The following USP13 variants were observed in gnomAD, a reference collection of about 807,000 sequenced individuals.
The protein encoded by USP13 is ubiquitin specific peptidase 13.
A neutral mutation model predicts 107.8 loss-of-function variants in USP13; 68 were observed. That is an observed-to-expected ratio of 0.63 (90% CI 0.52 to 0.77). USP13 has a LOEUF of 0.77. Among genes scored for constraint, USP13 ranks in the 30% least tolerant of loss-of-function variants. The pLI, the probability that USP13 is intolerant of heterozygous loss-of-function variation, is 0.00. For synonymous variants in USP13, 377 were observed against 389.5 expected (o/e 0.97, Z 0.38); for missense variants, 945 against 1,093.3 (o/e 0.86, Z 1.91).
chr3:179,753,830 T>A (rs962449504), intron 14 of USP13, among the ~76,000 whole-genome samples: 2 of 152,204 alleles, frequency 1.3e-5, no homozygotes, highest in Non-Finnish European at 2.9e-5. Flanking sequence ...TTTTCATTAT[T>A]ATCATCTGAA....
rs1720149405 is a variant in USP13 at position 179,653,460 on chromosome 3, A to AG, written c.168+68dup. 9 of 1,518,294 alleles carry AG rather than the reference A, an allele frequency of 5.9e-6. No individual in the cohort carries two copies. The South Asian group carries it at 1.1e-4, about 19-fold the overall frequency. 94.1% of individuals were successfully genotyped at this position (1,518,294 alleles called of 1,614,324 possible). A position where few individuals can be genotyped will look rare whatever the true frequency, so the allele number is the denominator to read the frequency against. ...CTGCGGCACGTGAAGCCGGGGGAGA[A>AG]GATGCGCAGTGGCGGCCGGGACCTC... On this transcript the variant is annotated intron_variant, in intron 1 of 20. Coordinates refer to ENST00000263966, the MANE Select transcript of USP13 (RefSeq NM_003940.3). This position sits in a 1 kb window ranked among gnomAD's most constrained non-coding sequence, Gnocchi z 4.0.
chr3:179,720,862 G>A (rs1713287150), intron 7 of USP13, among the ~76,000 whole-genome samples: 2 of 150,334 alleles, frequency 1.3e-5, no homozygotes, highest in South Asian at 4.2e-4. Flanking sequence ...AGGCTGGAGT[G>A]CAGTGGCGCG....
At chr3:179,749,093 G>T (rs1576975049) in intron 13 of USP13, among the ~76,000 whole-genome samples, 1 of 152,004 alleles carries the variant, frequency 6.6e-6, no homozygotes, top group South Asian at 2.1e-4. Context: ...GAAGATTATG[G>T]TTTTTTTTAG....
chr3:179,718,903 C>G (rs1257367792), intron 6 of USP13, among the ~76,000 whole-genome samples: 1 of 152,008 alleles, frequency 6.6e-6, no homozygotes, highest in East Asian at 1.9e-4. Flanking sequence ...ACTACAGGCG[C>G]CCGCCACCAC....
At position 179,760,263 on chromosome 3, in the gene USP13, T is replaced by C. The variant is rs115288939; in HGVS notation, c.1949-849T>C. ...CTCTGTATCTGAGCCCAAGTTACTTTGTAAAGCCGTCTCTTAATGTTTTTT... is the reference window on the plus strand; with the variant it reads ...CTCTGTATCTGAGCCCAAGTTACTTCGTAAAGCCGTCTCTTAATGTTTTTT... On this transcript the variant is annotated intron_variant, in intron 16 of 20. Transcript: ENST00000263966. 6.2e-3 allele frequency among the ~76,000 whole-genome samples: 947 copies of C among 151,768 alleles called. 14 individuals carry two copies. The highest frequency in any genetic ancestry group is 0.022 in the African/African-American group (904 of 41,368).
At chr3:179,679,344 T>C (rs989433145) in intron 1 of USP13, among the ~76,000 whole-genome samples, 2 of 152,206 alleles carry the variant, frequency 1.3e-5, no homozygotes, top group Non-Finnish European at 2.9e-5. Context: ...AATATATTTG[T>C]AATAAACATC....
At chr3:179,667,049 C>T (rs1334828647) in intron 1 of USP13, among the ~76,000 whole-genome samples, 3 of 152,208 alleles carry the variant, frequency 2.0e-5, no homozygotes, top group Non-Finnish European at 4.4e-5. Context: ...TATTGCTGTC[C>T]TCTCTGGAAC....
intron 17 of USP13, among the ~76,000 whole-genome samples, chr3:179,762,166 A>C (rs1005098081): frequency 3.3e-5 from 5 of 152,368 alleles, no homozygotes; most frequent in South Asian, 2.1e-4. Context: ...GACATTTCAT[A>C]TAAATGGAGT....
chr3:179,713,959 C>T (rs1019975666), intron 6 of USP13, among the ~76,000 whole-genome samples: 4 of 152,136 alleles, frequency 2.6e-5, no homozygotes, highest in African/African-American at 4.8e-5. Context: ...ATAGCAAGAA[C>T]GGGCCCCACA....
At chr3:179,743,282 A>G (rs930218442) in intron 12 of USP13, among the ~76,000 whole-genome samples, 1 of 152,134 alleles carries the variant, frequency 6.6e-6, no homozygotes, top group Admixed American at 6.5e-5. Flanking sequence ...GAGAACTTAG[A>G]GGACAGGTCA....
At chr3:179,690,749 CT>C (rs1488020358) in intron 3 of USP13, among the ~76,000 whole-genome samples, 2 of 152,024 alleles carry the variant, frequency 1.3e-5, no homozygotes, top group Non-Finnish European at 2.9e-5. Context: ...ATTTTTTGTA[CT>C]TTTTGTAGAG....
chr3:179,654,615 A>G (rs1374126801), intron 1 of USP13, among the ~76,000 whole-genome samples: 1 of 152,164 alleles, frequency 6.6e-6, no homozygotes, highest in Admixed American at 6.5e-5. Flanking sequence ...TAGATCTCAT[A>G]TGTCACCCGG....
At chr3:179,694,755 C>T (rs867741833) in intron 3 of USP13, among the ~76,000 whole-genome samples, 18 of 137,858 alleles carry the variant, frequency 1.3e-4, no homozygotes, top group African/African-American at 3.3e-4. Context: ...GAGCTGAGAT[C>T]GCACCATTGC....
intron 8 of USP13, among the ~76,000 whole-genome samples, chr3:179,726,897 C>T (rs1713539104): frequency 6.6e-6 from 1 of 151,852 alleles, no homozygotes; most frequent in Non-Finnish European, 1.5e-5. Flanking sequence ...CCAGGCTGGT[C>T]TCAACTCTTG....
At chr3:179,723,462 A>G (rs1713398059) in intron 8 of USP13, among the ~76,000 whole-genome samples, 1 of 152,196 alleles carries the variant, frequency 6.6e-6, no homozygotes, top group Admixed American at 6.5e-5. Flanking sequence ...TAACAACTGC[A>G]TGCTTATAAA....
At chr3:179,722,787 A>G (rs1270726068) in intron 8 of USP13, among the ~76,000 whole-genome samples, 2 of 152,268 alleles carry the variant, frequency 1.3e-5, no homozygotes, top group East Asian at 3.9e-4. Context: ...GTATTTTTAA[A>G]AAGCATCATC....
At chr3:179,708,629 G>A (rs1712809127) in intron 5 of USP13, 144 bp from the exon 6 acceptor site, 11 of 1,066,380 alleles carry the variant, frequency 1.0e-5, no homozygotes, top group Non-Finnish European at 1.3e-5. Context: ...AATGTCTTGA[G>A]GGGAGAAAAT....
chr3:179,653,186 C>CT lies in USP13; in HGVS notation c.-39dup. The CT allele has an allele frequency of 8.1e-7, 1 of 1,236,898 alleles. No homozygotes were observed. Among genetic ancestry groups the CT allele is most frequent in the Non-Finnish European group, 1.0e-6 (1 of 984,840 alleles). The allele number at this position is 1,236,898 out of a possible 1,614,324, so 76.6% of individuals were successfully genotyped here. A position where few individuals can be genotyped will look rare whatever the true frequency, so the allele number is the denominator to read the frequency against. ...GCCGCCGGCAGACCCCGCGCTCCGG[C>CT]TCCGGCTCGGCTCGCTCGGCTCCGG... On this transcript the variant is annotated 5_prime_UTR_variant, in exon 1 of 21. Coordinates refer to ENST00000263966, the MANE Select transcript of USP13 (RefSeq NM_003940.3). This position sits in a 1 kb window ranked among gnomAD's most constrained non-coding sequence, Gnocchi z 4.0.
At position 179,773,106 on chromosome 3, in the gene USP13, G is replaced by A. The variant is rs114164029; in HGVS notation, c.2413+7258G>A. ...TGATATGCAAACTGCAGTGTTGGAG[G>A]TGGGACCTGGTGGGAGGTGTTTGGG... is the stretch of plus-strand genomic sequence containing the variant. On this transcript the variant is annotated intron_variant, in intron 19 of 20. Transcript: ENST00000263966. Among the ~76,000 whole-genome samples the A allele has an allele frequency of 3.5e-3, 537 of 152,312 alleles. 4 individuals carry two copies. The highest frequency in any genetic ancestry group is 0.012 in the African/African-American group (488 of 41,578).
Sources: gnomAD v4.1 joint callset for allele counts (sites outside exome capture counted in the v4.1 genomes callset) on GRCh38, gnomAD v4.1.1 for gene constraint, Gnocchi (gnomAD v3.1) non-coding constraint, MANE v1.5 for transcripts, NCBI Gene and HGNC (gene_info 2026-07-23, HGNC 2026-07-21) for gene names.